ZNF219: variants seen among roughly 807,000 people sequenced by gnomAD.
ZNF219 encodes zinc finger protein 219.
Under a neutral mutation model 54.4 loss-of-function variants are expected in ZNF219, and 17 were observed. The observed-to-expected ratio is 0.31, with a 90% CI of 0.21 to 0.47. The LOEUF is 0.47. Among genes scored for constraint, ZNF219 ranks in the 20% least tolerant of loss-of-function variants. ZNF219 has a pLI of 1.00. For synonymous variants in ZNF219, 518 were observed against 476.4 expected, an observed-to-expected ratio of 1.09 and a Z score of -1.14; for missense variants, 1,014 against 1,062.3, an observed-to-expected ratio of 0.95 and a Z score of 0.63.
chr14:21,101,705 A>T (rs911230951), upstream of ZNF219: 1 of 674,982 alleles, frequency 1.5e-6, no homozygotes, highest in African/African-American at 1.8e-5. Flanking sequence ...GAAAAAATTA[A>T]ATGATACTTA....
In ZNF219 at chr14:21,091,050, T is replaced by C; in HGVS notation, c.1655A>G (p.Gln552Arg). 2 of 1,559,566 alleles carry C rather than the reference T, an allele frequency of 1.3e-6. No homozygotes were observed. Among genetic ancestry groups the C allele is most frequent in the Non-Finnish European group, 1.7e-6 (2 of 1,158,474 alleles). ...TGGCCCGGGGCCGGCCCCGCTCCTC[T>C]GCTCCCGGTGGTGGCGCTGTAGGTG... Reference protein sequence around the residue: ...KYHLQRHHREQRSGAGPGPPP... With the variant: ...KYHLQRHHRERRSGAGPGPPP... Residue 552 changes from glutamine (Q) to arginine (R), a missense_variant, in exon 5 of 5, where the codon CAG (glutamine) becomes CGG (arginine). Physicochemically the swap from Gln to Arg is conservative, Grantham distance 43. Transcript: ENST00000360947.
In ZNF219 at chr14:21,090,659, G is replaced by C. The variant is rs766519260; in HGVS notation, c.2046C>G (p.Asp682Glu). The C allele has an allele frequency of 1.9e-6, 3 of 1,612,494 alleles. No homozygotes were observed. Among genetic ancestry groups the C allele is most frequent in the Non-Finnish European group, 2.5e-6 (3 of 1,179,822 alleles). ...RARGRRPPQA[D>E]ASPPYARVPS... ...GTACTCGGGCATAGGGCGGGGACGC[G>C]TCAGCCTGGGGTGGCCGGCGGCCCC... Residue 682 changes from aspartate (D) to glutamate (E), a missense_variant, in exon 5 of 5, where the codon GAC becomes GAG. Asp to Glu is a conservative substitution (Grantham distance 45). Around this residue, in one of 5 missense-constraint regions of ZNF219, gnomAD observed 281 missense variants for 271.2 expected, o/e 1.04. Coordinates refer to ENST00000360947, the MANE Select transcript of ZNF219 (RefSeq NM_016423.3). This position sits in a 1 kb window ranked among gnomAD's most constrained non-coding sequence, Gnocchi z 4.4.
At position 21,090,862 on chromosome 14, in the gene ZNF219, T is replaced by A. The variant is rs1463347859; in HGVS notation, c.1843A>T (p.Thr615Ser). 4 of 1,554,326 alleles carry A rather than the reference T, an allele frequency of 2.6e-6. No individual in the cohort carries two copies. Among genetic ancestry groups the A allele is most frequent in the Non-Finnish European group, 3.5e-6 (4 of 1,150,642 alleles). Reference protein sequence around the residue: ...SRRKPASPGRTLRNGRGGEAE... With the variant: ...SRRKPASPGRSLRNGRGGEAE... ...TCACCGCCTCGCCCGTTGCGCAGGG[T>A]CCTCCCAGGGCTGGCGGGCTTCCGA... Residue 615 changes from threonine (T) to serine (S), a missense_variant, in exon 5 of 5, where the codon ACC (threonine) becomes TCC (serine). Around this residue, in one of 5 missense-constraint regions of ZNF219, gnomAD observed 281 missense variants for 271.2 expected, o/e 1.04. Coordinates refer to ENST00000360947, the MANE Select transcript of ZNF219 (RefSeq NM_016423.3). The surrounding 1 kb of genome is among the most constrained non-coding windows in gnomAD (Gnocchi z 4.4).
At chr14:21,091,828 A>G (rs1441646720) in intron 3 of ZNF219, 37 bp downstream of exon 3, 4 of 1,490,416 alleles carry the variant, frequency 2.7e-6, no homozygotes, top group Non-Finnish European at 3.6e-6. Flanking sequence ...TCAGAGGAGG[A>G]CGCGGCGTAC....
At position 21,090,539 on chromosome 14, in the gene ZNF219, C is replaced by T. The variant is rs780578989; in HGVS notation, c.2166G>A (p.Arg722=). 1.1e-5 allele frequency: 18 copies of T among 1,591,582 alleles called. No homozygotes were observed. Among genetic ancestry groups the T allele is most frequent in the Non-Finnish European group, 1.5e-5 (18 of 1,165,852 alleles). Residue 722 remains arginine (R), a synonymous_variant, in exon 5 of 5, where the codon CGG becomes CGA. Transcript: ENST00000360947. The surrounding 1 kb of genome is among the most constrained non-coding windows in gnomAD (Gnocchi z 4.4). ...GCTAATCGCCCCTGAGGGCCCACTA[C>T]CGTTCTTGCCCCCCCAGCCCTGCCT... ...PGEAGLGGQE[R] is the part of the protein sequence containing the mutation.
In ZNF219 at chr14:21,092,151, C is replaced by T; in HGVS notation, c.1146G>A (p.Leu382=). The T allele has an allele frequency of 6.8e-7, 1 of 1,476,742 alleles. No individual in the cohort carries two copies. The highest frequency in any genetic ancestry group is 8.9e-7 in the Non-Finnish European group (1 of 1,119,222). The allele number at this position is 1,476,742 out of a possible 1,614,324, so 91.5% of individuals were successfully genotyped here. The change falls in exon 3 of 5, where the codon CTG becomes CTA. Residue 382 remains leucine (L), a synonymous_variant. Transcript: ENST00000360947. ...RREPPSLLGY[L]SLRAGEGRPN... ...GCCGGCCCTCGCCAGCTCGCAGGCT[C>T]AGGTAGCCCAAGAGGCTCGGGGGCT...
chr14:21,092,191 G>T lies in ZNF219; in HGVS notation c.1106C>A (p.Pro369Gln). Residue 369 changes from proline to glutamine, a missense_variant, in exon 3 of 5, where the codon CCG (proline) becomes CAG (glutamine). By Grantham distance (76) the Pro-to-Gln change is moderately conservative (BLOSUM62 -1). Coordinates refer to ENST00000360947, the MANE Select transcript of ZNF219 (RefSeq NM_016423.3). ...PALLLAPAPT[P>Q]AERREPPSLL... is the part of the protein sequence containing the mutation. ...GCTCGGGGGCTCACGGCGCTCGGCC[G>T]GGGTGGGAGCCGGGGCCAAGAGGAG... 2 of 1,437,878 alleles carry T rather than the reference G, an allele frequency of 1.4e-6. No individual in the cohort carries two copies. The highest frequency in any genetic ancestry group is 1.8e-6 in the Non-Finnish European group (2 of 1,102,554). The allele number at this position is 1,437,878 out of a possible 1,614,324, so 89.1% of individuals were successfully genotyped here. A position where few individuals can be genotyped will look rare whatever the true frequency, so the allele number is the denominator to read the frequency against.
At position 21,092,496 on chromosome 14, in the gene ZNF219, C is replaced by T. The variant is rs1888992797; in HGVS notation, c.801G>A (p.Glu267=). Residue 267 remains glutamate, a synonymous_variant, in exon 3 of 5, where the codon GAG becomes GAA. Transcript: ENST00000360947. ...TPTPAPAAPE[E]PPAPPEFRCQ... ...AGCGGAACTCCGGAGGCGCTGGGGG[C>T]TCCTCGGGAGCGGCAGGAGCTGGGG... 6.4e-7 allele frequency: 1 copy of T among 1,552,026 alleles called. No homozygotes were observed.
At chr14:21,101,189 G>T (rs1423335277), upstream of ZNF219, 14 of 648,418 alleles carry the variant, frequency 2.2e-5, 1 homozygote, top group East Asian at 4.3e-4. Flanking sequence ...GACTAGGTAG[G>T]TGTGAGGACC....
At position 21,093,083 on chromosome 14, in the gene ZNF219, G is replaced by A; in HGVS notation, c.214C>T (p.Leu72Phe). Residue 72 changes from leucine to phenylalanine, a missense_variant, in exon 3 of 5, where the codon CTT (leucine) becomes TTT (phenylalanine). By Grantham distance (22) the Leu-to-Phe change is conservative. Coordinates refer to ENST00000360947, the MANE Select transcript of ZNF219 (RefSeq NM_016423.3). ...GGGTGCGCCCGCAGGTGCAAAGCAA[G>A]GATAGAGTTGAAGCGGAAGCGCTTC... ...CGKRFRFNSI[L>F]ALHLRAHPGA... 1 of 1,605,494 alleles carries A rather than the reference G, an allele frequency of 6.2e-7. No homozygotes were observed. The highest frequency in any genetic ancestry group is 2.2e-5 in the East Asian group (1 of 44,696).
chr14:21,099,657 A>G (rs150186336), upstream of ZNF219, among the ~76,000 whole-genome samples: 84 of 152,354 alleles, frequency 5.5e-4, no homozygotes, highest in African/African-American at 1.9e-3. Context: ...AAGAAATAAT[A>G]ATAGTGATGA....
At position 21,093,133 on chromosome 14, in the gene ZNF219, C is replaced by T; in HGVS notation, c.164G>A (p.Arg55Gln). The T allele has an allele frequency of 6.2e-7, 1 of 1,610,358 alleles. No homozygotes were observed. Among genetic ancestry groups the T allele is most frequent in the Non-Finnish European group, 8.5e-7 (1 of 1,179,282 alleles). Residue 55 changes from arginine to glutamine, a missense_variant, in exon 3 of 5, where the codon CGG (arginine) becomes CAG (glutamine). By Grantham distance (43) the Arg-to-Gln change is conservative. This residue lies in a region of ZNF219 where 395 missense variants were observed against 415.1 expected (regional missense o/e 0.95). Transcript: ENST00000360947. ...CCCGCATACAGGGCAGGGGAAGCGC[C>T]GTTCGCCTGCACGACTCTCAGACCA... is the stretch of plus-strand genomic sequence containing the variant. ...VSWSESRAGERRFPCPVCGKR... is the reference protein window; with the variant it reads ...VSWSESRAGEQRFPCPVCGKR...
upstream of ZNF219, chr14:21,098,951 T>G (rs1300350079): frequency 2.4e-6 from 2 of 841,322 alleles, no homozygotes; most frequent in East Asian, 8.7e-5. Context: ...ATTATAGAGA[T>G]AGTTAATGTC....
chr14:21,091,375 C>A (rs752785717), intron 4 of ZNF219, 36 bp downstream of exon 4: 2 of 1,577,678 alleles, frequency 1.3e-6, no homozygotes, highest in Non-Finnish European at 8.7e-7. Flanking sequence ...TGCCCGCCCC[C>A]AGTCCCCTCT....
Position 21,093,072 on chromosome 14 carries a change from G to A in ZNF219, c.225C>T (p.His75=). The A allele has an allele frequency of 6.2e-7, 1 of 1,603,142 alleles. No homozygotes were observed. Among genetic ancestry groups the A allele is most frequent in the Non-Finnish European group, 8.5e-7 (1 of 1,176,184 alleles). ...RFRFNSILAL[H]LRAHPGAQAF... ...CCTGGGCTCCTGGGTGCGCCCGCAG[G>A]TGCAAAGCAAGGATAGAGTTGAAGC... is the stretch of plus-strand genomic sequence containing the variant. The change falls in exon 3 of 5, where the codon CAC becomes CAT. Residue 75 remains histidine (H), a synonymous_variant. Coordinates refer to ENST00000360947, the MANE Select transcript of ZNF219 (RefSeq NM_016423.3).
Position 21,092,514 on chromosome 14 carries a change from A to G in ZNF219, c.783T>C (p.Ala261=). 2 of 1,550,108 alleles carry G rather than the reference A, an allele frequency of 1.3e-6. No individual in the cohort carries two copies. Among genetic ancestry groups the G allele is most frequent in the Non-Finnish European group, 1.7e-6 (2 of 1,146,790 alleles). ...EPEREATPTP[A]PAAPEEPPAP... Reference sequence around the variant, plus strand: ...CTGGGGGCTCCTCGGGAGCGGCAGGAGCTGGGGTCGGGGTTGCCTCACGTT... The same window carrying G: ...CTGGGGGCTCCTCGGGAGCGGCAGGGGCTGGGGTCGGGGTTGCCTCACGTT... The change falls in exon 3 of 5, where the codon GCT becomes GCC. Residue 261 remains alanine (A), a synonymous_variant. Transcript: ENST00000360947.
upstream of ZNF219, chr14:21,103,465 C>T: frequency 1.4e-6 from 1 of 708,290 alleles, no homozygotes; most frequent in South Asian, 2.0e-5. Flanking sequence ...TTCTCCCTTG[C>T]ATCCATATCC....
Position 21,092,707 on chromosome 14 carries a change from C to G in ZNF219, c.590G>C (p.Gly197Ala), listed in dbSNP as rs1889018489. 1 of 1,582,168 alleles carries G rather than the reference C, an allele frequency of 6.3e-7. No individual in the cohort carries two copies. The highest frequency in any genetic ancestry group is 1.3e-5 in the African/African-American group (1 of 74,724). Residue 197 changes from glycine to alanine, a missense_variant, in exon 3 of 5, where the codon GGC becomes GCC. By Grantham distance (60) the Gly-to-Ala change is moderately conservative (BLOSUM62 0). Transcript: ENST00000360947. Reference protein sequence around the residue: ...RPWKCGLCSFGSSQEEELLHH... With the variant: ...RPWKCGLCSFASSQEEELLHH... ...CAGCAGCTCCTCCTCCTGGCTGGAG[C>G]CGAAACTGCACAGGCCGCACTTCCA...
chr14:21,095,374 G>A (rs1481115511), intron 1 of ZNF219, among the ~76,000 whole-genome samples: 1 of 152,198 alleles, frequency 6.6e-6, no homozygotes, highest in African/African-American at 2.4e-5. Context: ...GTCACAAAAG[G>A]TGAATTAGAA....
Sources: gnomAD v4.1 joint callset for allele counts (sites outside exome capture counted in the v4.1 genomes callset) on GRCh38, gnomAD v4.1.1 for gene constraint, gnomAD v4.1.1 regional missense constraint, Gnocchi (gnomAD v3.1) non-coding constraint, MANE v1.5 for transcripts, NCBI Gene and HGNC (gene_info 2026-07-23, HGNC 2026-07-21) for gene names.